Variants in ANKRA2 observed in about 807,000 individuals in gnomAD.
The protein encoded by ANKRA2 is ankyrin repeat family A protein 2.
A neutral mutation model predicts 37.8 loss-of-function variants in ANKRA2; 33 were observed. The observed-to-expected ratio is 0.87, with a 90% CI of 0.66 to 1.17. ANKRA2 has a LOEUF of 1.17. Among genes scored for constraint, ANKRA2 ranks in the 50% most tolerant of loss-of-function variants. ANKRA2 has a pLI of 0.00. For missense variants in ANKRA2, 326 were observed against 373.7 expected (o/e 0.87, Z 1.05); for synonymous variants, 126 against 132.3 (o/e 0.95, Z 0.33).
intron 3 of ANKRA2, among the ~76,000 whole-genome samples, chr5:73,559,476 T>A (rs1747486940): frequency 6.6e-6 from 1 of 152,166 alleles, no homozygotes; most frequent in African/African-American, 2.4e-5. Flanking sequence ...GATTTCATAT[T>A]CATATTATAT....
Position 73,553,465 on chromosome 5 carries a change from A to G in ANKRA2, c.827T>C (p.Ile276Thr), listed in dbSNP as rs1405906492. Residue 276 changes from isoleucine to threonine, a missense_variant, in exon 8 of 9, where the codon ATT becomes ACT. Physicochemically the swap from Ile to Thr is moderately conservative, Grantham distance 89. Transcript: ENST00000296785. ...AGAATTATATCCAGAGTCAGTTTCA[A>G]TTGTTGGATCAGCCCCACTTTCTAT... Reference protein sequence around the residue: ...MLLESGADPTIETDSGYNSMD... With the variant: ...MLLESGADPTTETDSGYNSMD... 1.2e-6 allele frequency: 2 copies of G among 1,613,410 alleles called. No homozygotes were observed. The highest frequency in any genetic ancestry group is 2.2e-5 in the East Asian group (1 of 44,796).
At chr5:73,557,075 T>A (rs703876) in intron 4 of ANKRA2, among the ~76,000 whole-genome samples, 101,242 of 149,456 alleles carry the variant, frequency 0.68, 34,551 homozygotes, top group East Asian at 0.83. Flanking sequence ...AGTTTTAAGT[T>A]TAAACTTAAA....
At chr5:73,561,489 G>A in intron 2 of ANKRA2, 2 of 528,120 alleles carry the variant, frequency 3.8e-6, no homozygotes, top group Non-Finnish European at 6.4e-6. Flanking sequence ...AGTCTAGGCT[G>A]GGCATGGTGC....
chr5:73,561,302 A>T lies in ANKRA2; in HGVS notation c.290-14T>A, dbSNP rs1189202585. Reference sequence around the variant, plus strand: ...TATTGCATTCAGCTAAGTGAAAAACAAATGTAAACACATTAAAAGCATTTC... The same window carrying T: ...TATTGCATTCAGCTAAGTGAAAAACTAATGTAAACACATTAAAAGCATTTC... On this transcript the variant is annotated splice_polypyrimidine_tract_variant and intron_variant, in intron 2 of 8. Transcript: ENST00000296785. The T allele has an allele frequency of 6.2e-7, 1 of 1,606,524 alleles. No individual in the cohort carries two copies. Among genetic ancestry groups the T allele is most frequent in the Non-Finnish European group, 8.5e-7 (1 of 1,174,838 alleles).
chr5:73,563,847 G>A (rs1747624710), intron 1 of ANKRA2, among the ~76,000 whole-genome samples: 1 of 152,176 alleles, frequency 6.6e-6, no homozygotes, highest in Non-Finnish European at 1.5e-5. Flanking sequence ...AGTGGAGCAA[G>A]GGTCGCGAAA....
intron 4 of ANKRA2, 187 bp downstream of exon 4, chr5:73,557,388 A>T (rs998633956): frequency 5.5e-6 from 2 of 363,672 alleles, no homozygotes; most frequent in African/African-American, 4.3e-5. Context: ...ACGGTGGTAA[A>T]GGAACTTTTA....
chr5:73,558,267 C>T (rs12659185), intron 3 of ANKRA2, among the ~76,000 whole-genome samples: 60,507 of 151,836 alleles, frequency 0.4, 13,006 homozygotes, highest in East Asian at 0.65. Context: ...GCATGAGCCA[C>T]CATGCCTCAG....
Position 73,561,229 on chromosome 5 carries a change from G to T in ANKRA2, c.349C>A (p.Pro117Thr), listed in dbSNP as rs1561270931. Residue 117 changes from proline (P) to threonine (T), a missense_variant, in exon 3 of 9, where the codon CCC becomes ACC. By Grantham distance (38) the Pro-to-Thr change is conservative (BLOSUM62 -1). Around this residue, in one of 3 missense-constraint regions of ANKRA2, gnomAD observed 228 missense variants for 260.2 expected, o/e 0.88. Coordinates refer to ENST00000296785, the MANE Select transcript of ANKRA2 (RefSeq NM_023039.5). ...GGTGAGAAATGCTTTGTTGTAGAGG[G>T]GGTGTAGACATGCCTTACTTGAATT... ...PGIQVRHVYT[P>T]STTKHFSPIK... The T allele has an allele frequency of 6.2e-7, 1 of 1,613,152 alleles. No individual in the cohort carries two copies. Among genetic ancestry groups the T allele is most frequent in the East Asian group, 2.2e-5 (1 of 44,846 alleles).
chr5:73,556,871 A>C (rs1028885169), intron 4 of ANKRA2, among the ~76,000 whole-genome samples: 1 of 151,818 alleles, frequency 6.6e-6, no homozygotes, highest in Admixed American at 6.6e-5. Flanking sequence ...GATTAGCAAA[A>C]TTTGGAATCT....
chr5:73,564,925 T>C (rs1747681300), intron 1 of ANKRA2, among the ~76,000 whole-genome samples: 1 of 124,098 alleles, frequency 8.1e-6, no homozygotes, highest in Non-Finnish European at 1.8e-5. Context: ...GAGGTGGTGG[T>C]GAGAAAAAGG....
At chr5:73,554,469 T>G in intron 6 of ANKRA2, 81 bp from the exon 7 acceptor site, 1 of 940,242 alleles carries the variant, frequency 1.1e-6, no homozygotes, top group East Asian at 2.5e-5. Context: ...GAAGTTTTAC[T>G]AGAATTAGAC....
chr5:73,564,816 G>T (rs1489142527), intron 1 of ANKRA2, among the ~76,000 whole-genome samples: 1 of 152,042 alleles, frequency 6.6e-6, no homozygotes, highest in African/African-American at 2.4e-5. Context: ...TGGCACAGCA[G>T]TTTAACGAGA....
At position 73,562,951 on chromosome 5, in the gene ANKRA2, T is replaced by A; in HGVS notation, c.-70A>T. ...TCCTCTTGGTTTTGTAAGAGCAGTA[T>A]CCAGTGTGTTCTTGGAATCTGGATA... On this transcript the variant is annotated 5_prime_UTR_variant, in exon 2 of 9. Coordinates refer to ENST00000296785, the MANE Select transcript of ANKRA2 (RefSeq NM_023039.5). 1 of 1,372,996 alleles carries A rather than the reference T, an allele frequency of 7.3e-7. No individual in the cohort carries two copies. Among genetic ancestry groups the A allele is most frequent in the Non-Finnish European group, 9.8e-7 (1 of 1,017,032 alleles). 85.1% of individuals were successfully genotyped at this position (1,372,996 alleles called of 1,614,324 possible).
intron 2 of ANKRA2, 141 bp from the exon 3 acceptor site, chr5:73,561,429 T>C (rs529233348): frequency 2.3e-4 from 192 of 823,682 alleles, no homozygotes; most frequent in African/African-American, 2.1e-3. Flanking sequence ...GTTTTTATCA[T>C]TAAAGTCCAT....
In ANKRA2 at chr5:73,559,701, A is replaced by G. The variant is rs530354851; in HGVS notation, c.448+1429T>C. ...ACAGTAAAACTTTTAAGTTTTCATA[A>G]TTAATATTTTAATCTGTATTTGCTC... On this transcript the variant is annotated intron_variant, in intron 3 of 8. Transcript: ENST00000296785. Among the ~76,000 whole-genome samples, 757 of 152,312 alleles carry G rather than the reference A, an allele frequency of 5.0e-3. 8 individuals are homozygous for G. The highest frequency in any genetic ancestry group is 0.012 in the South Asian group (58 of 4,818).
In ANKRA2 at chr5:73,554,230, T is replaced by C. The variant is rs906937408; in HGVS notation, c.805+92A>G. ...CAAGATTCATGTATTTAACAATAGT[T>C]AATGATTCTCCTGAGTAGTACCAGG... On this transcript the variant is annotated intron_variant, in intron 7 of 8. Transcript: ENST00000296785. 1.7e-5 allele frequency: 18 copies of C among 1,080,988 alleles called. No homozygotes were observed. In the African/African-American group the frequency reaches 2.7e-4, roughly 16 times the overall value. 67.0% of individuals were successfully genotyped at this position (1,080,988 alleles called of 1,614,324 possible). A position where few individuals can be genotyped will look rare whatever the true frequency, so the allele number is the denominator to read the frequency against.
chr5:73,552,896 A>C (rs1288426852), intron 8 of ANKRA2, 44 bp from the exon 9 acceptor site: 2 of 1,470,826 alleles, frequency 1.4e-6, no homozygotes, highest in Non-Finnish European at 1.9e-6. Context: ...GTGACTATAA[A>C]ATTTCTTTTA....
intron 8 of ANKRA2, 37 bp from the exon 9 acceptor site, chr5:73,552,889 A>G (rs775989415): frequency 2.0e-6 from 3 of 1,498,564 alleles, no homozygotes; most frequent in Non-Finnish European, 2.7e-6. Flanking sequence ...CAGCACAGTG[A>G]CTATAAAATT....
chr5:73,552,964 A>G, intron 8 of ANKRA2, 112 bp from the exon 9 acceptor site: 1 of 904,170 alleles, frequency 1.1e-6, no homozygotes, highest in Non-Finnish European at 1.7e-6. Flanking sequence ...ATTTCTAAGC[A>G]GGATACATAC....
Sources: gnomAD v4.1 joint callset for allele counts (sites outside exome capture counted in the v4.1 genomes callset) on GRCh38, gnomAD v4.1.1 for gene constraint, gnomAD v4.1.1 regional missense constraint, MANE v1.5 for transcripts, NCBI Gene and HGNC (gene_info 2026-07-23, HGNC 2026-07-21) for gene names.